Variants in CCSER1 observed in about 807,000 individuals in gnomAD.
The protein encoded by CCSER1 is coiled-coil serine rich protein 1.
A neutral mutation model predicts 82.0 loss-of-function variants in CCSER1; 41 were observed. The ratio of observed to expected loss-of-function variants is 0.50; its 90% CI spans 0.39 to 0.65. CCSER1 has a LOEUF of 0.65. CCSER1 is among the 30% of genes least tolerant of loss of function. The pLI is 0.00. For synonymous variants in CCSER1, 414 were observed against 383.9 expected (o/e 1.08, Z -0.92); for missense variants, 1,119 against 1,064.2 (o/e 1.05, Z -0.72).
chr4:90,748,289 G>T (rs1360499450), intron 7 of CCSER1, among the ~76,000 whole-genome samples: 22 of 140,490 alleles, frequency 1.6e-4, no homozygotes, highest in Non-Finnish European at 2.8e-4. Context: ...ATGCGGTGTT[G>T]GGTTTTTTGT....
chr4:91,533,322 C>G (rs772881131), intron 10 of CCSER1, among the ~76,000 whole-genome samples: 1 of 152,088 alleles, frequency 6.6e-6, no homozygotes, highest in Non-Finnish European at 1.5e-5. Flanking sequence ...CTCTCAAACT[C>G]TACAATATAA....
In CCSER1 at chr4:91,263,040, C is replaced by T. The variant is rs143636726; in HGVS notation, c.2217+177046C>T. On this transcript the variant is annotated intron_variant, in intron 10 of 10. Transcript: ENST00000509176. ...AATAGGAGTAATATTACCTAGCCCA[C>T]GGGAATTTTGTAAGAAGCAAATAAA... is the stretch of plus-strand genomic sequence containing the variant. Among the ~76,000 whole-genome samples, 303 of 151,972 alleles carry T rather than the reference C, an allele frequency of 2.0e-3. 2 individuals are homozygous for T. Among genetic ancestry groups the T allele is most frequent in the African/African-American group, 6.7e-3 (278 of 41,500 alleles).
intron 1 of CCSER1, among the ~76,000 whole-genome samples, chr4:90,171,963 A>G (rs1731780288): frequency 1.3e-5 from 2 of 151,918 alleles, no homozygotes; most frequent in South Asian, 4.1e-4. Flanking sequence ...TCATACAATA[A>G]TCTTATTCAT....
intron 5 of CCSER1, among the ~76,000 whole-genome samples, chr4:90,541,690 A>C (rs1776135314): frequency 6.6e-6 from 1 of 151,910 alleles, no homozygotes; most frequent in African/African-American, 2.4e-5. Context: ...ATAGCAGCTA[A>C]TATCTGTATG....
chr4:90,379,293 T>A (rs1018389594), intron 3 of CCSER1, among the ~76,000 whole-genome samples: 6 of 152,152 alleles, frequency 3.9e-5, no homozygotes, highest in African/African-American at 1.4e-4. Flanking sequence ...GGGAAGACAG[T>A]ATTAAAGGTT....
chr4:90,332,253 A>AG (rs1739433211), intron 3 of CCSER1, among the ~76,000 whole-genome samples: 1 of 150,062 alleles, frequency 6.7e-6, no homozygotes, highest in South Asian at 2.1e-4. Flanking sequence ...TTTGAGATGG[A>AG]GTTTTTTTTT....
intron 1 of CCSER1, among the ~76,000 whole-genome samples, chr4:90,175,236 G>C (rs1393225407): frequency 6.6e-6 from 1 of 151,952 alleles, no homozygotes; most frequent in African/African-American, 2.4e-5. Context: ...GTTATGCTGA[G>C]TGAAAGGGGC....
chr4:90,821,102 A>G (rs1759669670), intron 8 of CCSER1, among the ~76,000 whole-genome samples: 1 of 152,162 alleles, frequency 6.6e-6, no homozygotes, highest in Non-Finnish European at 1.5e-5. Context: ...CCACTTAATG[A>G]TAGTAGCCCT....
intron 10 of CCSER1, among the ~76,000 whole-genome samples, chr4:91,568,384 T>C (rs965216429): frequency 1.3e-5 from 2 of 151,882 alleles, no homozygotes; most frequent in Non-Finnish European, 2.9e-5. Flanking sequence ...TGAATTTGAC[T>C]GTTGGCCTCT....
At chr4:91,304,871 T>C (rs1476156963) in intron 10 of CCSER1, among the ~76,000 whole-genome samples, 1 of 152,044 alleles carries the variant, frequency 6.6e-6, no homozygotes, top group African/African-American at 2.4e-5. Context: ...CTTCTAGAAC[T>C]AATACTAAAG....
chr4:90,217,449 C>A (rs142890089), intron 1 of CCSER1, among the ~76,000 whole-genome samples: 1 of 152,150 alleles, frequency 6.6e-6, no homozygotes, highest in Admixed American at 6.5e-5. Flanking sequence ...CCGCCCGCCT[C>A]GGCCTCCCAA....
intron 7 of CCSER1, among the ~76,000 whole-genome samples, chr4:90,737,843 T>C (rs1745915159): frequency 1.3e-5 from 2 of 152,214 alleles, no homozygotes; most frequent in South Asian, 4.1e-4. Context: ...TTCAGGCTTA[T>C]TACTTTTTTA....
intron 10 of CCSER1, among the ~76,000 whole-genome samples, chr4:91,103,941 T>A (rs1435709581): frequency 1.3e-5 from 2 of 152,088 alleles, no homozygotes; most frequent in African/African-American, 2.4e-5. Context: ...ATTCTTTTCC[T>A]AGCAAGGAAT....
intron 10 of CCSER1, among the ~76,000 whole-genome samples, chr4:91,468,218 T>C (rs2149440708): frequency 6.6e-6 from 1 of 152,272 alleles, no homozygotes; most frequent in East Asian, 1.9e-4. Context: ...TGGATGAAGC[T>C]GGAAACCATC....
chr4:90,563,833 C>CA (rs1372853058), intron 5 of CCSER1, among the ~76,000 whole-genome samples: 1 of 152,134 alleles, frequency 6.6e-6, no homozygotes, highest in Non-Finnish European at 1.5e-5. Context: ...GTGCTAGTTT[C>CA]ATTTTTAATT....
intron 10 of CCSER1, among the ~76,000 whole-genome samples, chr4:91,159,985 T>C (rs932956971): frequency 2.6e-5 from 4 of 151,874 alleles, no homozygotes; most frequent in Non-Finnish European, 1.5e-5. Flanking sequence ...GCCATGTTGG[T>C]TTGCTGCACC....
At chr4:90,474,769 T>C (rs1764834662) in intron 5 of CCSER1, among the ~76,000 whole-genome samples, 1 of 151,958 alleles carries the variant, frequency 6.6e-6, no homozygotes, top group Admixed American at 6.6e-5. Flanking sequence ...GCATTGGGAG[T>C]GGAGAAATGT....
chr4:91,415,390 G>A (rs1489635181), intron 10 of CCSER1, among the ~76,000 whole-genome samples: 3 of 152,094 alleles, frequency 2.0e-5, no homozygotes, highest in Non-Finnish European at 4.4e-5. Context: ...GTTCCTATTT[G>A]AATATCCTTT....
chr4:91,580,311 A>G lies in CCSER1; in HGVS notation c.2218-18261A>G, dbSNP rs181801214. On this transcript the variant is annotated intron_variant, in intron 10 of 10. Transcript: ENST00000509176. Reference sequence around the variant, plus strand: ...CTGCTCACTATGTTGACATTCTTCTATACAGTAACCATCAGCCTAGTATTT... The same window carrying G: ...CTGCTCACTATGTTGACATTCTTCTGTACAGTAACCATCAGCCTAGTATTT... 2.1e-4 allele frequency among the ~76,000 whole-genome samples: 32 copies of G among 152,000 alleles called. No individual in the cohort carries two copies. In the East Asian group the frequency reaches 5.8e-3, roughly 28 times the overall value.
Sources: allele counts gnomAD v4.1 joint callset (sites outside exome capture counted in the v4.1 genomes callset), GRCh38; gene constraint gnomAD v4.1.1; transcripts MANE v1.5; gene names NCBI Gene and HGNC (gene_info 2026-07-23, HGNC 2026-07-21).